RBFOX3: variants seen among roughly 807,000 people sequenced by gnomAD.
RBFOX3 encodes RNA binding fox-1 homolog 3, also known as RNA binding protein fox-1 homolog 3.
Under a neutral mutation model 48.7 loss-of-function variants are expected in RBFOX3, and 17 were observed. The observed-to-expected ratio is 0.35, with a 90% CI of 0.24 to 0.52. The LOEUF (loss-of-function observed/expected upper bound fraction) is 0.52, where lower values mean the gene tolerates loss of function less well. Among genes scored for constraint, RBFOX3 ranks in the 20% least tolerant of loss-of-function variants. The probability of loss-of-function intolerance (pLI) is 0.94; values close to 1 mark genes in which losing one functional copy is unlikely to be tolerated. For synonymous variants in RBFOX3, 212 were observed against 209.5 expected (o/e 1.01, Z -0.10); for missense variants, 382 against 497.5 (o/e 0.77, Z 2.21).
chr17:79,520,959 C>T (rs951186991), intron 1 of RBFOX3, among the ~76,000 whole-genome samples: 8 of 152,200 alleles, frequency 5.3e-5, no homozygotes, highest in Non-Finnish European at 7.3e-5. Flanking sequence ...ACAATGGTGA[C>T]GGCAGAGCAC....
intron 4 of RBFOX3, among the ~76,000 whole-genome samples, chr17:79,166,253 C>CG (rs2047986283): frequency 1.5e-5 from 1 of 68,460 alleles, no homozygotes; most frequent in Non-Finnish European, 4.0e-5. Context: ...CCCTCCTGCA[C>CG]CCCCCAGCGC....
rs917137914 is a variant in RBFOX3, at chr17:79,091,820, A to T, written c.1078-935T>A. ...TGCGGTGCTAAGGGGCTCCCTGAGG[A>T]GCGACCAGGACGTGCCTTTCCACAT... On this transcript the variant is annotated intron_variant, in intron 14 of 14. Coordinates refer to ENST00000693108, the MANE Select transcript of RBFOX3 (RefSeq NM_001350451.2). 4.7e-5 allele frequency: 20 copies of T among 425,602 alleles called. No homozygotes were observed. In the East Asian group the frequency reaches 3.1e-3, roughly 67 times the overall value. 26.4% of individuals were successfully genotyped at this position (425,602 alleles called of 1,614,324 possible).
intron 2 of RBFOX3, among the ~76,000 whole-genome samples, chr17:79,401,466 G>C (rs75689176): frequency 0.034 from 5,106 of 152,340 alleles, 287 homozygotes; most frequent in African/African-American, 0.12. Flanking sequence ...CACCTTGAGA[G>C]AGTCTGCAAA....
intron 3 of RBFOX3, among the ~76,000 whole-genome samples, chr17:79,275,123 C>CCTCTCTCTCTTT (rs1191964660): frequency 7.7e-6 from 1 of 130,592 alleles, no homozygotes; most frequent in Non-Finnish European, 1.6e-5. Flanking sequence ...TCCATGTCTC[C>CCTCTCTCTCTTT]CTCTCTCTCT....
intron 2 of RBFOX3, among the ~76,000 whole-genome samples, chr17:79,322,376 T>C (rs1486541152): frequency 1.3e-5 from 2 of 152,044 alleles, no homozygotes; most frequent in Non-Finnish European, 2.9e-5. Flanking sequence ...TCCAAGTCAT[T>C]AAGTGAGATG....
intron 2 of RBFOX3, among the ~76,000 whole-genome samples, chr17:79,378,550 G>A (rs2059503544): frequency 1.3e-5 from 2 of 152,176 alleles, no homozygotes; most frequent in Non-Finnish European, 2.9e-5. Context: ...CAGACCCCAG[G>A]AAGCCAAGGA....
At chr17:79,575,113 T>G (rs973177716) in intron 1 of RBFOX3, among the ~76,000 whole-genome samples, 5 of 152,226 alleles carry the variant, frequency 3.3e-5, no homozygotes, top group African/African-American at 4.8e-5. Context: ...ATGGGGGCTG[T>G]GAAGCCCCCC....
intron 2 of RBFOX3, among the ~76,000 whole-genome samples, chr17:79,435,773 A>G (rs1363398043): frequency 6.6e-6 from 1 of 152,182 alleles, no homozygotes; most frequent in Non-Finnish European, 1.5e-5. Context: ...GTTCTTTATC[A>G]GTGGTGTGTG....
chr17:79,339,694 C>T (rs901880238), intron 2 of RBFOX3, among the ~76,000 whole-genome samples: 3 of 152,158 alleles, frequency 2.0e-5, no homozygotes, highest in African/African-American at 4.8e-5. Context: ...TGCTGGGAGA[C>T]GATAACTCGG....
At chr17:79,253,513 C>T (rs913529673) in intron 3 of RBFOX3, among the ~76,000 whole-genome samples, 1 of 152,136 alleles carries the variant, frequency 6.6e-6, no homozygotes. Context: ...ACAATGTCAA[C>T]ATTTTTAATT....
chr17:79,291,562 G>A (rs937044772), intron 3 of RBFOX3, among the ~76,000 whole-genome samples: 3 of 152,198 alleles, frequency 2.0e-5, no homozygotes, highest in Non-Finnish European at 2.9e-5. Context: ...AGAACCCTGT[G>A]TCATGCATCC....
At chr17:79,325,404 T>C (rs901580642) in intron 2 of RBFOX3, among the ~76,000 whole-genome samples, 4 of 152,126 alleles carry the variant, frequency 2.6e-5, no homozygotes, top group African/African-American at 4.8e-5. Flanking sequence ...AGGGACTAAT[T>C]TGAGGAGCCC....
At chr17:79,369,887 A>T (rs1010981102) in intron 2 of RBFOX3, among the ~76,000 whole-genome samples, 1 of 152,102 alleles carries the variant, frequency 6.6e-6, no homozygotes, top group Admixed American at 6.5e-5. Flanking sequence ...AGAAGCTCCC[A>T]CGGAGAGAGA....
chr17:79,212,640 A>G lies in RBFOX3; in HGVS notation c.-34+23126T>C, dbSNP rs1298379227. The stretch of plus-strand genomic sequence containing the variant: ...CCCCAGCCCTGGAGGGCCTCCCCGT[A>G]ATTGCAGGCCTTACTCTCTCTGCTC... On this transcript the variant is annotated intron_variant, in intron 4 of 14. Coordinates refer to ENST00000693108, the MANE Select transcript of RBFOX3 (RefSeq NM_001350451.2). The surrounding 1 kb of genome is among the most constrained non-coding windows in gnomAD (Gnocchi z 4.7). 1.3e-5 allele frequency among the ~76,000 whole-genome samples: 2 copies of G among 152,186 alleles called. No homozygotes were observed. Among genetic ancestry groups the G allele is most frequent in the Non-Finnish European group, 2.9e-5 (2 of 68,028 alleles).
At chr17:79,378,873 G>T (rs912829564) in intron 2 of RBFOX3, among the ~76,000 whole-genome samples, 1 of 152,240 alleles carries the variant, frequency 6.6e-6, no homozygotes, top group Admixed American at 6.5e-5. Context: ...GCCGCACAGT[G>T]GGTACAGGGG....
At chr17:79,209,969 C>A (rs2058137268) in intron 4 of RBFOX3, among the ~76,000 whole-genome samples, 1 of 149,184 alleles carries the variant, frequency 6.7e-6, no homozygotes, top group African/African-American at 2.5e-5. Context: ...TGCACTCTAG[C>A]CTGGGCGACA....
chr17:79,257,523 G>A (rs2065073365), intron 3 of RBFOX3, among the ~76,000 whole-genome samples: 1 of 152,226 alleles, frequency 6.6e-6, no homozygotes, highest in African/African-American at 2.4e-5. Flanking sequence ...TTTGGCCAAA[G>A]GGCTGCAGGG....
At chr17:79,336,709 G>C (rs936178448) in intron 2 of RBFOX3, among the ~76,000 whole-genome samples, 2 of 152,192 alleles carry the variant, frequency 1.3e-5, no homozygotes, top group African/African-American at 4.8e-5. Context: ...ATCACAACAG[G>C]GGGGTGGCTC....
At chr17:79,255,140 C>A (rs1319483121) in intron 3 of RBFOX3, among the ~76,000 whole-genome samples, 1 of 152,102 alleles carries the variant, frequency 6.6e-6, no homozygotes, top group Admixed American at 6.5e-5. Flanking sequence ...GGGGCCTACC[C>A]AGGCCACACC....
Sources: allele counts gnomAD v4.1 joint callset (sites outside exome capture counted in the v4.1 genomes callset), GRCh38; gene constraint gnomAD v4.1.1; non-coding constraint Gnocchi (gnomAD v3.1); transcripts MANE v1.5; gene names NCBI Gene and HGNC (gene_info 2026-07-23, HGNC 2026-07-21).